The following TENM2 variants were observed in gnomAD, a reference collection of about 807,000 sequenced individuals.
TENM2 encodes teneurin-2.
TENM2 carries 52 observed loss-of-function variants against 245.2 expected under a neutral mutation model. That is an observed-to-expected ratio of 0.21 (90% CI 0.17 to 0.27). The LOEUF (loss-of-function observed/expected upper bound fraction) is 0.27, where lower values mean the gene tolerates loss of function less well. TENM2 is among the 10% of genes least tolerant of loss of function. The probability of loss-of-function intolerance (pLI) is 1.00; values close to 1 mark genes in which losing one functional copy is unlikely to be tolerated. For synonymous variants in TENM2, 1,363 were observed against 1,438.9 expected (o/e 0.95, Z 1.19); for missense variants, 3,046 against 3,666.8 (o/e 0.83, Z 4.37).
At chr5:167,840,148 A>G (rs183469857) in intron 2 of TENM2, among the ~76,000 whole-genome samples, 1 of 152,356 alleles carries the variant, frequency 6.6e-6, no homozygotes, top group Non-Finnish European at 1.5e-5. Context: ...AGGCCAACCC[A>G]GCAAATGCTT....
At chr5:167,048,351 T>G in the TENM2 span, among the ~76,000 whole-genome samples, 28 of 152,310 alleles carry the variant, frequency 1.8e-4, no homozygotes, top group Admixed American at 1.6e-3. Flanking sequence ...CAAAGCAGTG[T>G]CCTTCTGCTT....
chr5:167,449,363 G>C (rs1429596831), intron 2 of TENM2, among the ~76,000 whole-genome samples: 3 of 152,190 alleles, frequency 2.0e-5, no homozygotes, highest in Non-Finnish European at 2.9e-5. Context: ...AGGAGGTGAA[G>C]GTGGGTGGGA....
intron 2 of TENM2, among the ~76,000 whole-genome samples, chr5:167,831,703 G>A (rs1037432694): frequency 1.3e-5 from 2 of 152,104 alleles, no homozygotes; most frequent in African/African-American, 4.8e-5. Flanking sequence ...TCCTTTTGCA[G>A]CAATTTTCCC....
At chr5:167,876,172 G>T in exon 3 of TENM2, 1 of 1,551,460 alleles carries the variant, frequency 6.4e-7, no homozygotes. Context: ...GCATGCTCAG[G>T]GCCCCAGCAA....
chr5:167,396,209 A>C (rs1203023700), intron 2 of TENM2, among the ~76,000 whole-genome samples: 1 of 152,170 alleles, frequency 6.6e-6, no homozygotes. Context: ...GGGAGAACTT[A>C]AATGTCCATC....
intron 9 of TENM2, among the ~76,000 whole-genome samples, chr5:168,112,607 G>GA (rs1554199696): frequency 3.6e-5 from 1 of 27,498 alleles, no homozygotes; most frequent in Non-Finnish European, 7.7e-5. Context: ...TGCAGTGGGC[G>GA]GGGGGGGGGT....
chr5:167,136,089 A>T, the TENM2 span, among the ~76,000 whole-genome samples: 1 of 152,200 alleles, frequency 6.6e-6, no homozygotes, highest in Non-Finnish European at 1.5e-5. Context: ...TTTTAAATTG[A>T]TTACATGCAT....
chr5:167,648,682 G>A (rs1004758692), intron 2 of TENM2, among the ~76,000 whole-genome samples: 3 of 152,200 alleles, frequency 2.0e-5, no homozygotes, highest in East Asian at 1.9e-4. Context: ...GAAAGAGGGC[G>A]GAGGGTGGAA....
chr5:168,119,433 A>G (rs1745343140), intron 10 of TENM2, among the ~76,000 whole-genome samples: 1 of 152,226 alleles, frequency 6.6e-6, no homozygotes, highest in Non-Finnish European at 1.5e-5. Context: ...GTTATTTCAG[A>G]TAAATTATTT....
the TENM2 span, among the ~76,000 whole-genome samples, chr5:167,186,030 G>C: frequency 6.6e-6 from 1 of 152,064 alleles, no homozygotes; most frequent in Non-Finnish European, 1.5e-5. Context: ...TCTGCTTTAT[G>C]GTTTAGGGCA....
At chr5:167,795,594 G>C (rs970331194) in intron 2 of TENM2, among the ~76,000 whole-genome samples, 5 of 152,088 alleles carry the variant, frequency 3.3e-5, no homozygotes, top group Non-Finnish European at 7.4e-5. Context: ...GGAGAAAAAA[G>C]TCTTGAAGGC....
At chr5:168,070,228 C>G (rs1790868026) in intron 7 of TENM2, among the ~76,000 whole-genome samples, 1 of 152,154 alleles carries the variant, frequency 6.6e-6, no homozygotes, top group African/African-American at 2.4e-5. Flanking sequence ...TATGAAAATT[C>G]AGTGTTCATT....
At chr5:167,254,070 A>G in the TENM2 span, among the ~76,000 whole-genome samples, 1 of 151,808 alleles carries the variant, frequency 6.6e-6, no homozygotes, top group Non-Finnish European at 1.5e-5. Flanking sequence ...TGGCTGACGT[A>G]TAGGAAAAAG....
chr5:167,551,278 A>G (rs1772921374), intron 2 of TENM2, among the ~76,000 whole-genome samples: 1 of 152,196 alleles, frequency 6.6e-6, no homozygotes, highest in Non-Finnish European at 1.5e-5. Flanking sequence ...CCTGAGAATG[A>G]AGCGGTGAAC....
intron 2 of TENM2, among the ~76,000 whole-genome samples, chr5:167,798,632 C>T (rs1036351478): frequency 2.0e-5 from 3 of 152,126 alleles, no homozygotes; most frequent in African/African-American, 7.2e-5. Flanking sequence ...TCCAACAGAT[C>T]GCAGACTCCG....
chr5:167,345,163 G>A (rs1472416463), intron 1 of TENM2, among the ~76,000 whole-genome samples: 2 of 152,294 alleles, frequency 1.3e-5, no homozygotes, highest in African/African-American at 4.8e-5. Context: ...ACATCACTAA[G>A]AAACTCAGGA....
intron 2 of TENM2, among the ~76,000 whole-genome samples, chr5:167,402,649 T>C (rs570961392): frequency 2.0e-5 from 3 of 152,130 alleles, no homozygotes; most frequent in Non-Finnish European, 1.5e-5. Flanking sequence ...AATTTTCCAG[T>C]GCACATAGAA....
chr5:167,744,842 A>T (rs1023660447), intron 2 of TENM2, among the ~76,000 whole-genome samples: 1 of 152,140 alleles, frequency 6.6e-6, no homozygotes, highest in Non-Finnish European at 1.5e-5. Context: ...AACAAAACAA[A>T]ACAAAAAAAC....
chr5:167,034,209 A>G, the TENM2 span, among the ~76,000 whole-genome samples: 4 of 152,200 alleles, frequency 2.6e-5, no homozygotes, highest in Non-Finnish European at 5.9e-5. Flanking sequence ...TTGAGGCATG[A>G]TAGATTCGCT....
Sources: gnomAD v4.1 joint callset for allele counts (sites outside exome capture counted in the v4.1 genomes callset) on GRCh38, gnomAD v4.1.1 for gene constraint, MANE v1.5 for transcripts, NCBI Gene and HGNC (gene_info 2026-07-23, HGNC 2026-07-21) for gene names.